The following ROBO2 variants were observed in gnomAD, a reference collection of about 807,000 sequenced individuals.
ROBO2 encodes the protein roundabout guidance receptor 2, also known as roundabout homolog 2.
ROBO2 carries 53 observed loss-of-function variants against 160.8 expected under a neutral mutation model. That is an observed-to-expected ratio of 0.33 (90% CI 0.26 to 0.41). The LOEUF (loss-of-function observed/expected upper bound fraction) is 0.41, where lower values mean the gene tolerates loss of function less well. Among genes scored for constraint, ROBO2 ranks in the 10% least tolerant of loss-of-function variants. The pLI, the probability that ROBO2 is intolerant of heterozygous loss-of-function variation, is 1.00. For missense variants in ROBO2, 1,577 were observed against 1,722.4 expected (o/e 0.92, Z 1.49); for synonymous variants, 664 against 611.7 (o/e 1.09, Z -1.26).
chr3:76,024,177 A>G (rs2066660240), intron 2 of ROBO2, among the ~76,000 whole-genome samples: 1 of 151,480 alleles, frequency 6.6e-6, no homozygotes, highest in Non-Finnish European at 1.5e-5. Flanking sequence ...TAGAAGTAGC[A>G]CTTATAACAT....
intron 2 of ROBO2, among the ~76,000 whole-genome samples, chr3:77,105,533 T>A (rs2150133842): frequency 6.6e-6 from 1 of 152,318 alleles, no homozygotes; most frequent in African/African-American, 2.4e-5. Flanking sequence ...CTTTTAATTT[T>A]GCCATACTCC....
chr3:76,688,715 G>A (rs1426584113), intron 2 of ROBO2, among the ~76,000 whole-genome samples: 1 of 151,872 alleles, frequency 6.6e-6, no homozygotes, highest in African/African-American at 2.4e-5. Context: ...TTATTTTCCT[G>A]TGAATGAGCT....
At chr3:77,382,288 C>A (rs1367297162) in intron 2 of ROBO2, among the ~76,000 whole-genome samples, 7 of 149,970 alleles carry the variant, frequency 4.7e-5, no homozygotes, top group Non-Finnish European at 1.0e-4. Flanking sequence ...CTGTAAAAAA[C>A]ACCATTAGAA....
At chr3:77,428,890 A>G (rs1013122949) in intron 2 of ROBO2, among the ~76,000 whole-genome samples, 6 of 152,168 alleles carry the variant, frequency 3.9e-5, no homozygotes, top group African/African-American at 1.4e-4. Context: ...TATAAGAAAA[A>G]TGCATTTTCT....
At chr3:76,364,989 C>A (rs1021655439) in intron 2 of ROBO2, among the ~76,000 whole-genome samples, 8 of 151,996 alleles carry the variant, frequency 5.3e-5, no homozygotes, top group African/African-American at 1.9e-4. Context: ...CTGTTGTCTA[C>A]CTGAATGCCA....
chr3:77,622,341 C>A (rs2272164), exon 23 of ROBO2: 1 of 1,613,782 alleles, frequency 6.2e-7, no homozygotes, highest in Non-Finnish European at 8.5e-7. Flanking sequence ...ATGCCGACGA[C>A]GAAGAGGAAG....
chr3:77,634,713 G>T, intron 23 of ROBO2, 157 bp from the exon 25 acceptor site: 1 of 759,646 alleles, frequency 1.3e-6, no homozygotes, highest in South Asian at 1.5e-5. Context: ...TGAGAATGTA[G>T]AAAATACATT....
intron 2 of ROBO2, among the ~76,000 whole-genome samples, chr3:77,462,314 T>C (rs745529128): frequency 6.6e-6 from 1 of 152,306 alleles, no homozygotes; most frequent in South Asian, 2.1e-4. Context: ...TAGCTCGCAA[T>C]AGGCCTTCAG....
At chr3:77,013,326 A>G (rs534711085) in intron 2 of ROBO2, among the ~76,000 whole-genome samples, 1 of 152,214 alleles carries the variant, frequency 6.6e-6, no homozygotes, top group South Asian at 2.1e-4. Flanking sequence ...ACTAAATTAT[A>G]TTTTCCCATT....
intron 2 of ROBO2, among the ~76,000 whole-genome samples, chr3:76,525,130 T>C (rs1388888837): frequency 1.3e-5 from 2 of 151,726 alleles, no homozygotes; most frequent in African/African-American, 4.8e-5. Flanking sequence ...ATTTTACCCA[T>C]TTTTTAAAAT....
rs530996690 is a variant in ROBO2 at position 77,632,536 on chromosome 3, T to C, written c.3761-2334T>C. The stretch of plus-strand genomic sequence containing the variant: ...GGATCGTAACTTTTCTAGTCATAGA[T>C]CTAGTGTAGGTAGCTCCTCAGATGG... On this transcript the variant is annotated intron_variant, in intron 23 of 25. Transcript: ENST00000461745. 3.9e-6 allele frequency: 6 copies of C among 1,535,794 alleles called. No individual in the cohort carries two copies. In the African/African-American group the frequency reaches 8.2e-5, roughly 21 times the overall value.
chr3:77,181,046 CCTAA>C (rs1462272736), intron 2 of ROBO2, among the ~76,000 whole-genome samples: 2 of 152,020 alleles, frequency 1.3e-5, no homozygotes, highest in Non-Finnish European at 2.9e-5. Flanking sequence ...CAAGTAATCC[CCTAA>C]CTGTGACCTT....
At chr3:75,940,828 C>T (rs1390573347) in intron 2 of ROBO2, among the ~76,000 whole-genome samples, 4 of 152,016 alleles carry the variant, frequency 2.6e-5, no homozygotes, top group Non-Finnish European at 5.9e-5. Flanking sequence ...GCGGGCAAAA[C>T]CATGGGGGTG....
chr3:77,520,972 T>G (rs1432088461), intron 5 of ROBO2, among the ~76,000 whole-genome samples: 1 of 151,320 alleles, frequency 6.6e-6, no homozygotes, highest in Non-Finnish European at 1.5e-5. Context: ...TTTGAAATAT[T>G]GAAGCCATTC....
intron 2 of ROBO2, among the ~76,000 whole-genome samples, chr3:76,350,532 T>G (rs2074808258): frequency 6.6e-6 from 1 of 152,052 alleles, no homozygotes; most frequent in African/African-American, 2.4e-5. Flanking sequence ...CTTTATGAAT[T>G]TGAAGTGACT....
At chr3:77,377,973 C>G (rs1434835420) in intron 2 of ROBO2, among the ~76,000 whole-genome samples, 2 of 152,138 alleles carry the variant, frequency 1.3e-5, no homozygotes, top group Admixed American at 6.6e-5. Flanking sequence ...TTCTGACTCT[C>G]TGGAGTTTCC....
At chr3:76,671,467 C>A (rs1468069670) in intron 2 of ROBO2, among the ~76,000 whole-genome samples, 1 of 152,110 alleles carries the variant, frequency 6.6e-6, no homozygotes, top group Non-Finnish European at 1.5e-5. Context: ...TTTACGTTGT[C>A]ATTTGAACAG....
chr3:76,873,892 C>G (rs992543187), intron 2 of ROBO2, among the ~76,000 whole-genome samples: 1 of 152,208 alleles, frequency 6.6e-6, no homozygotes, highest in Admixed American at 6.5e-5. Context: ...AGTTTACCAC[C>G]CAGAAAGACA....
intron 2 of ROBO2, among the ~76,000 whole-genome samples, chr3:77,474,826 G>A (rs895769699): frequency 6.6e-6 from 1 of 152,232 alleles, no homozygotes; most frequent in Admixed American, 6.5e-5. Flanking sequence ...AAAGAGCACA[G>A]GGCAAAATCC....
Sources: gnomAD v4.1 joint callset for allele counts (sites outside exome capture counted in the v4.1 genomes callset) on GRCh38, gnomAD v4.1.1 for gene constraint, MANE v1.5 for transcripts, NCBI Gene and HGNC (gene_info 2026-07-23, HGNC 2026-07-21) for gene names.